The following ERC2 variants were observed in gnomAD, a reference collection of about 807,000 sequenced individuals.
ERC2 encodes ELKS/RAB6-interacting/CAST family member 2.
In ERC2, 42 loss-of-function variants were observed where a neutral mutation model predicts 114.8. That is an observed-to-expected ratio of 0.37 (90% CI 0.29 to 0.47). The LOEUF (loss-of-function observed/expected upper bound fraction) is 0.47. Ranked by LOEUF, ERC2 falls within the 20% of genes least tolerant of loss-of-function variation. The probability of loss-of-function intolerance (pLI) is 0.99; values close to 1 mark genes in which losing one functional copy is unlikely to be tolerated. For missense variants in ERC2, 939 were observed against 1,150.7 expected (o/e 0.82, Z 2.66); for synonymous variants, 454 against 425.5 (o/e 1.07, Z -0.82).
chr3:55,875,384 C>G (rs1206836901), intron 14 of ERC2, among the ~76,000 whole-genome samples: 2 of 152,174 alleles, frequency 1.3e-5, no homozygotes, highest in African/African-American at 4.8e-5. Flanking sequence ...AGTGAAGCAT[C>G]AGGGGTGAGG....
At position 55,685,230 on chromosome 3, in the gene ERC2, G is replaced by A. The variant is rs77420969; in HGVS notation, c.2848-1371C>T. The stretch of plus-strand genomic sequence containing the variant: ...ACTGCCAAAGGGATCCACGGCCCAC[G>A]AAGGTTACAAATCCCTGACTGACTT... On this transcript the variant is annotated intron_variant, in intron 16 of 17. Transcript: ENST00000288221. Among the ~76,000 whole-genome samples, 335 of 152,242 alleles carry A rather than the reference G, an allele frequency of 2.2e-3. 2 individuals carry two copies. Among genetic ancestry groups the A allele is most frequent in the African/African-American group, 7.8e-3 (324 of 41,556 alleles).
chr3:56,217,878 G>A (rs6794583), intron 3 of ERC2, among the ~76,000 whole-genome samples: 65,504 of 148,606 alleles, frequency 0.44, 14,209 homozygotes, highest in East Asian at 0.68. Flanking sequence ...GACAAAAACA[G>A]GAAATGGGGA....
intron 7 of ERC2, among the ~76,000 whole-genome samples, chr3:56,032,921 A>AGAGAGACAGAC (rs1560056350): frequency 3.7e-5 from 3 of 80,872 alleles, no homozygotes; most frequent in African/African-American, 3.8e-5. Context: ...GAAAGAAAGA[A>AGAGAGACAGAC]AGAAAGAAAG....
At chr3:55,998,211 T>G (rs1367010067) in intron 10 of ERC2, among the ~76,000 whole-genome samples, 1 of 152,004 alleles carries the variant, frequency 6.6e-6, no homozygotes, top group Non-Finnish European at 1.5e-5. Flanking sequence ...TAAATAAATA[T>G]AAATAAATAT....
intron 17 of ERC2, among the ~76,000 whole-genome samples, chr3:55,517,343 T>C (rs914305766): frequency 6.8e-6 from 1 of 146,614 alleles, no homozygotes; most frequent in Non-Finnish European, 1.5e-5. Flanking sequence ...AGGGAAGCTG[T>C]GGCAGGAGAA....
intron 13 of ERC2, among the ~76,000 whole-genome samples, chr3:55,925,968 T>C (rs1423077099): frequency 6.6e-6 from 1 of 152,202 alleles, no homozygotes; most frequent in Non-Finnish European, 1.5e-5. Flanking sequence ...AGTATTTCAT[T>C]AGACACAGCA....
At chr3:55,539,547 C>A (rs990186834) in intron 17 of ERC2, among the ~76,000 whole-genome samples, 20 of 150,600 alleles carry the variant, frequency 1.3e-4, no homozygotes, top group Non-Finnish European at 2.7e-4. Context: ...CTCAGCCTCC[C>A]GAGTAGTTGG....
intron 7 of ERC2, among the ~76,000 whole-genome samples, chr3:56,073,824 C>T (rs1420640630): frequency 6.6e-6 from 1 of 152,096 alleles, no homozygotes; most frequent in African/African-American, 2.4e-5. Flanking sequence ...AGAGCAAACA[C>T]GTCAATCCTT....
At chr3:56,237,546 T>A (rs1040367833) in intron 3 of ERC2, among the ~76,000 whole-genome samples, 2 of 152,226 alleles carry the variant, frequency 1.3e-5, no homozygotes, top group East Asian at 3.8e-4. Flanking sequence ...ATCTGCAAAC[T>A]GTTCCTGCAA....
intron 3 of ERC2, among the ~76,000 whole-genome samples, chr3:56,239,840 G>A (rs1269208028): frequency 6.6e-6 from 1 of 152,138 alleles, no homozygotes; most frequent in African/African-American, 2.4e-5. Flanking sequence ...TGTATCTCTG[G>A]CTTCCATAAA....
Position 56,226,769 on chromosome 3 carries a change from G to A in ERC2, c.1075-53249C>T, listed in dbSNP as rs74728158. Among the ~76,000 whole-genome samples the A allele has an allele frequency of 4.8e-3, 738 of 152,182 alleles. 4 individuals are homozygous for A. The highest frequency in any genetic ancestry group is 0.017 in the African/African-American group (698 of 41,528). ...CCTAGACTCACTAGCTCTCTTCTCC[G>A]TCTTAACTCCTAACATCCTTCTTGG... On this transcript the variant is annotated intron_variant, in intron 3 of 17. Transcript: ENST00000288221.
chr3:55,913,043 T>C (rs1200065255), intron 13 of ERC2, among the ~76,000 whole-genome samples: 3 of 152,296 alleles, frequency 2.0e-5, no homozygotes, highest in East Asian at 3.9e-4. Context: ...TGGAGTATAA[T>C]GGTGTGATCA....
chr3:56,095,073 C>G (rs534268077), intron 6 of ERC2, among the ~76,000 whole-genome samples: 1 of 152,156 alleles, frequency 6.6e-6, no homozygotes, highest in Non-Finnish European at 1.5e-5. Context: ...AGCAACGTAG[C>G]AAGACCTCAT....
At position 56,053,795 on chromosome 3, in the gene ERC2, C is replaced by CT. The variant is rs745957068; in HGVS notation, c.1641+27021dup. On this transcript the variant is annotated intron_variant, in intron 7 of 17. Coordinates refer to ENST00000288221, the MANE Select transcript of ERC2 (RefSeq NM_015576.3). Reference sequence around the variant, plus strand: ...GGTGGCATCATTAAGAAGAAGTTGACTTTTTTTTTTTAAGTAAAACCTTAA... The same window carrying CT: ...GGTGGCATCATTAAGAAGAAGTTGACTTTTTTTTTTTTAAGTAAAACCTTAA... Among the ~76,000 whole-genome samples, 819 of 147,300 alleles carry CT rather than the reference C, an allele frequency of 5.6e-3. 5 individuals are homozygous for CT. The highest frequency in any genetic ancestry group is 0.018 in the African/African-American group (728 of 40,374).
intron 14 of ERC2, among the ~76,000 whole-genome samples, chr3:55,774,865 G>T (rs574875495): frequency 6.6e-6 from 1 of 152,306 alleles, no homozygotes; most frequent in African/African-American, 2.4e-5. Context: ...ATGGTTAAGA[G>T]AATGGCACGT....
At chr3:56,166,377 C>T (rs1305168622) in intron 4 of ERC2, among the ~76,000 whole-genome samples, 4 of 151,864 alleles carry the variant, frequency 2.6e-5, no homozygotes, top group Admixed American at 6.6e-5. Context: ...CATATGCTGG[C>T]CTCATAAAAC....
At chr3:55,622,552 C>T (rs1022180422) in intron 17 of ERC2, among the ~76,000 whole-genome samples, 8 of 152,000 alleles carry the variant, frequency 5.3e-5, no homozygotes, top group Non-Finnish European at 1.2e-4. Context: ...TGCAAGCTAC[C>T]AGCAATTTCT....
chr3:55,585,002 G>A (rs764287798), intron 17 of ERC2, among the ~76,000 whole-genome samples: 26 of 152,288 alleles, frequency 1.7e-4, no homozygotes, highest in Middle Eastern at 3.4e-3. Flanking sequence ...TTGCTGTTTC[G>A]GGAGCCTGAT....
intron 9 of ERC2, among the ~76,000 whole-genome samples, chr3:56,007,565 A>T (rs1193136727): frequency 6.6e-6 from 1 of 152,128 alleles, no homozygotes; most frequent in African/African-American, 2.4e-5. Context: ...CAGTAAATGC[A>T]TGTTTCACGT....
Sources: allele counts gnomAD v4.1 joint callset (sites outside exome capture counted in the v4.1 genomes callset), GRCh38; gene constraint gnomAD v4.1.1; transcripts MANE v1.5; gene names NCBI Gene and HGNC (gene_info 2026-07-23, HGNC 2026-07-21).